CDON: variants seen among roughly 807,000 people sequenced by gnomAD.
CDON encodes cell adhesion associated, oncogene regulated, also known as cell adhesion molecule-related/down-regulated by oncogenes.
A neutral mutation model predicts 120.9 loss-of-function variants in CDON; 73 were observed. That is an observed-to-expected ratio of 0.60 (90% CI 0.50 to 0.73). The LOEUF (loss-of-function observed/expected upper bound fraction) is 0.73. Ranked by LOEUF, CDON falls within the 30% of genes least tolerant of loss-of-function variation. The pLI is 0.00. For missense variants in CDON, 1,470 were observed against 1,587.3 expected (o/e 0.93, Z 1.26); for synonymous variants, 566 against 573.5 (o/e 0.99, Z 0.19).
intron 16 of CDON, 147 bp from the exon 17 acceptor site, chr11:125,981,476 GAGA>G (rs1196480554): frequency 4.0e-5 from 33 of 826,216 alleles, no homozygotes; most frequent in Admixed American, 3.8e-4. Context: ...TCTTCTTGCT[GAGA>G]AGGTCTTACA....
chr11:126,023,460 C>T lies in CDON; in HGVS notation c.17G>A (p.Gly6Glu). The T allele has an allele frequency of 6.2e-7, 1 of 1,612,948 alleles. No individual in the cohort carries two copies. Among genetic ancestry groups the T allele is most frequent in the Admixed American group, 1.7e-5 (1 of 60,020 alleles). Reference sequence around the variant, plus strand: ...AACATACAGCAGTGTACATAAGGGTCCAAGATCCGGATGCATAGCGCCAGA... The same window carrying T: ...AACATACAGCAGTGTACATAAGGGTTCAAGATCCGGATGCATAGCGCCAGA... MHPDL[G>E]PLCTLLYVTL... is the part of the protein sequence containing the mutation. Residue 6 changes from glycine (G) to glutamate (E), a missense_variant, in exon 2 of 20, where the codon GGA (glycine) becomes GAA (glutamate). Physicochemically the swap from Gly to Glu is moderately conservative, Grantham distance 98. Coordinates refer to ENST00000531738, the MANE Select transcript of CDON (RefSeq NM_001378964.1).
rs374438894 is a variant in CDON at position 126,010,425 on chromosome 11, C to G, written c.1468G>C (p.Val490Leu). The change falls in exon 8 of 20, where the codon GTG (valine) becomes CTG (leucine). Residue 490 changes from valine (V) to leucine (L), a missense_variant. By Grantham distance (32) the Val-to-Leu change is conservative. Coordinates refer to ENST00000531738, the MANE Select transcript of CDON (RefSeq NM_001378964.1). ...TATTTCCCCGCATGTTCCTGAGTCACAGCCTGAATATGGAGAGAGCTTGCA... is the reference window on the plus strand; with the variant it reads ...TATTTCCCCGCATGTTCCTGAGTCAGAGCCTGAATATGGAGAGAGCTTGCA... ...AGASSLHIQA[V>L]TQEHAGKYIC... 1.9e-6 allele frequency: 3 copies of G among 1,614,114 alleles called. No homozygotes were observed. In the South Asian group the frequency reaches 3.3e-5, roughly 18 times the overall value.
Position 125,958,805 on chromosome 11 carries a change from A to G in CDON, c.*2137T>C, listed in dbSNP as rs1945560955. The G allele has an allele frequency of 6.6e-6, 1 of 152,502 alleles. No homozygotes were observed. Among genetic ancestry groups the G allele is most frequent in the Non-Finnish European group, 1.5e-5 (1 of 67,998 alleles). 9.4% of individuals were successfully genotyped at this position (152,502 alleles called of 1,614,324 possible). A position where few individuals can be genotyped will look rare whatever the true frequency, so the allele number is the denominator to read the frequency against. On this transcript the variant is annotated 3_prime_UTR_variant, in exon 20 of 20. Transcript: ENST00000531738. ...AAAAGCAGTTCATGACCTAAGGCTC[A>G]TGCTAATACACCTGTTTCCTAAATC... is the stretch of plus-strand genomic sequence containing the variant.
intron 3 of CDON, 119 bp from the exon 4 acceptor site, chr11:126,019,884 AGTC>A: frequency 1.2e-6 from 1 of 829,304 alleles, no homozygotes; most frequent in Non-Finnish European, 2.0e-6. Flanking sequence ...AGCTGACCCC[AGTC>A]CAGAGGGCTG....
intron 12 of CDON, among the ~76,000 whole-genome samples, chr11:125,996,289 T>C (rs949369297): frequency 6.6e-6 from 1 of 152,096 alleles, no homozygotes; most frequent in African/African-American, 2.4e-5. Context: ...AAGTGGATTA[T>C]GGTATATTTA....
At position 125,979,073 on chromosome 11, in the gene CDON, T is replaced by C. The variant is rs1176677729; in HGVS notation, c.3277-690A>G. On this transcript the variant is annotated intron_variant, in intron 17 of 19. Coordinates refer to ENST00000531738, the MANE Select transcript of CDON (RefSeq NM_001378964.1). ...GACAGACAGCAAGGTTCTTCAAAAA[T>C]GAAGTTAAAAATTAAACTAGCCTGA... Among the ~76,000 whole-genome samples the C allele has an allele frequency of 2.0e-5, 3 of 152,148 alleles. No homozygotes were observed. The East Asian group carries it at 5.8e-4, about 29-fold the overall frequency.
rs1352215408 is a variant in CDON, at chr11:125,978,326, G to C, written c.3334C>G (p.Arg1112Gly). The change falls in exon 18 of 20, where the codon CGA (arginine) becomes GGA (glycine). Residue 1112 changes from arginine to glycine, a missense_variant. Coordinates refer to ENST00000531738, the MANE Select transcript of CDON (RefSeq NM_001378964.1). ...QIDPLECVNC[R>G]NCRNNNRCFT... The stretch of plus-strand genomic sequence containing the variant: ...TACCTATTGTTGTTTCGACAATTTC[G>C]GCAGTTAACACACTCCAGAGGGTCA... The C allele has an allele frequency of 1.2e-6, 2 of 1,606,404 alleles. No homozygotes were observed. The highest frequency in any genetic ancestry group is 4.5e-5 in the East Asian group (2 of 44,850).
In CDON at chr11:126,018,313, T is replaced by A; in HGVS notation, c.640+17A>T. The A allele has an allele frequency of 6.2e-7, 1 of 1,612,122 alleles. No individual in the cohort carries two copies. The stretch of plus-strand genomic sequence containing the variant: ...ACTCTTCCTCTTCCAGTTACCATTA[T>A]TCTCCCAAATACTTACGACTCACAA... On this transcript the variant is annotated intron_variant, in intron 5 of 19. Transcript: ENST00000531738.
At chr11:126,054,426 C>T (rs529119161) in intron 1 of CDON, among the ~76,000 whole-genome samples, 1 of 152,192 alleles carries the variant, frequency 6.6e-6, no homozygotes, top group Non-Finnish European at 1.5e-5. Context: ...AATGCATGTC[C>T]CAGCATCTTC....
At chr11:126,015,084 G>T in intron 7 of CDON, 157 bp downstream of exon 7, 1 of 717,400 alleles carries the variant, frequency 1.4e-6, no homozygotes, top group Non-Finnish European at 2.4e-6. Context: ...TCATGGAAAT[G>T]CCTACCTGTC....
chr11:126,045,233 G>A (rs972234377), intron 1 of CDON, among the ~76,000 whole-genome samples: 3 of 152,000 alleles, frequency 2.0e-5, no homozygotes, highest in African/African-American at 7.3e-5. Context: ...TCACCATGTT[G>A]GCCAGGATGG....
chr11:126,017,301 C>T lies in CDON; in HGVS notation c.715G>A (p.Val239Ile), dbSNP rs748455462. 2.5e-6 allele frequency: 4 copies of T among 1,613,968 alleles called. No individual in the cohort carries two copies. The highest frequency in any genetic ancestry group is 3.4e-6 in the Non-Finnish European group (4 of 1,179,978). ...CCACTCACCACACACTCCAAGGTTACAGGGCTACGAGAAAGAACAGCTAAT... is the reference window on the plus strand; with the variant it reads ...CCACTCACCACACACTCCAAGGTTATAGGGCTACGAGAAAGAACAGCTAAT... Reference protein sequence around the residue: ...QALAVLSRSPVTLECVVSGVP... With the variant: ...QALAVLSRSPITLECVVSGVP... Residue 239 changes from valine to isoleucine, a missense_variant, in exon 6 of 20, where the codon GTA becomes ATA. Physicochemically the swap from Val to Ile is conservative, Grantham distance 29. Coordinates refer to ENST00000531738, the MANE Select transcript of CDON (RefSeq NM_001378964.1).
intron 18 of CDON, among the ~76,000 whole-genome samples, chr11:125,973,524 C>T (rs576561045): frequency 6.6e-6 from 1 of 152,264 alleles, no homozygotes; most frequent in East Asian, 1.9e-4. Flanking sequence ...GAGTGAGACT[C>T]CATCTCAGAA....
Position 126,017,332 on chromosome 11 carries a change from T to G in CDON, c.684A>C (p.Ser228=). The part of the protein sequence containing the change: ...DDVHILHPTH[S]QALAVLSRSP... ...TACGAGAAAGAACAGCTAATGCCTG[T>G]GAATGGGTGGGGTGAAGAATGTGAA... Residue 228 remains serine (S), a synonymous_variant, in exon 6 of 20, where the codon TCA becomes TCC. Transcript: ENST00000531738. The G allele has an allele frequency of 6.2e-7, 1 of 1,614,040 alleles. No homozygotes were observed. Among genetic ancestry groups the G allele is most frequent in the Non-Finnish European group, 8.5e-7 (1 of 1,180,010 alleles).
intron 12 of CDON, among the ~76,000 whole-genome samples, chr11:125,996,624 T>G (rs1000505192): frequency 7.8e-6 from 1 of 127,594 alleles, no homozygotes; most frequent in Non-Finnish European, 1.5e-5. Context: ...CGCTTGAACA[T>G]GGGAGGTGGA....
intron 8 of CDON, among the ~76,000 whole-genome samples, chr11:126,009,267 G>A (rs536446685): frequency 1.3e-5 from 2 of 152,328 alleles, no homozygotes; most frequent in East Asian, 1.9e-4. Context: ...TTGTTTGCAC[G>A]TGAAGGGAAA....
At chr11:126,009,963 C>T (rs1947243446) in intron 8 of CDON, among the ~76,000 whole-genome samples, 1 of 152,172 alleles carries the variant, frequency 6.6e-6, no homozygotes, top group African/African-American at 2.4e-5. Flanking sequence ...CACAACTCTA[C>T]ATTCTCAATG....
intron 14 of CDON, among the ~76,000 whole-genome samples, chr11:125,992,173 C>T (rs1019090787): frequency 6.6e-6 from 1 of 151,988 alleles, no homozygotes; most frequent in African/African-American, 2.4e-5. Flanking sequence ...TTCTGACGTC[C>T]CCACTGCCCT....
At chr11:126,016,360 A>G (rs1478139764) in intron 6 of CDON, among the ~76,000 whole-genome samples, 1 of 152,220 alleles carries the variant, frequency 6.6e-6, no homozygotes, top group Non-Finnish European at 1.5e-5. Context: ...AAATAATTCA[A>G]TTTTATCACC....
Sources: gnomAD v4.1 joint callset for allele counts (sites outside exome capture counted in the v4.1 genomes callset) on GRCh38, gnomAD v4.1.1 for gene constraint, MANE v1.5 for transcripts, NCBI Gene and HGNC (gene_info 2026-07-23, HGNC 2026-07-21) for gene names.